PLAGL1: variants seen among roughly 807,000 people sequenced by gnomAD.
PLAGL1 encodes zinc finger protein PLAGL1.
PLAGL1 carries 1 observed loss-of-function variant against 4.6 expected under a neutral mutation model. The ratio of observed to expected loss-of-function variants is 0.22; its 90% CI spans 0.08 to 1.03. The LOEUF (loss-of-function observed/expected upper bound fraction) is 1.03. PLAGL1 is among the 50% of genes least tolerant of loss of function. The probability of loss-of-function intolerance (pLI) is 0.58; values close to 1 mark genes in which losing one functional copy is unlikely to be tolerated. For missense variants in PLAGL1, 464 were observed against 570.4 expected (o/e 0.81, Z 1.90); for synonymous variants, 240 against 237.8 (o/e 1.01, Z -0.08).
At chr6:144,057,459 C>G (rs1428298456) in intron 1 of PLAGL1, among the ~76,000 whole-genome samples, 1 of 152,226 alleles carries the variant, frequency 6.6e-6, no homozygotes, top group Admixed American at 6.5e-5. Flanking sequence ...CCATCAGTGG[C>G]AGGAGGAAGC....
chr6:144,042,365 G>T (rs1329019391), intron 1 of PLAGL1, among the ~76,000 whole-genome samples: 8 of 152,146 alleles, frequency 5.3e-5, no homozygotes, highest in Admixed American at 4.6e-4. Context: ...GTGAAAGGAA[G>T]GGATCCAGTT....
rs936770186 is a variant in PLAGL1, at chr6:143,997,034, A to G, written c.-584+11056T>C. On this transcript the variant is annotated intron_variant, in intron 1 of 7. Coordinates refer to ENST00000674357, the MANE Select transcript of PLAGL1 (RefSeq NM_001317162.2). The surrounding 1 kb of genome is among the most constrained non-coding windows in gnomAD (Gnocchi z 4.6). Reference sequence around the variant, plus strand: ...CTGGATTTCATTAAGACACCAAAAGACAGCATTAAAAGATACATAGAAAAG... The same window carrying G: ...CTGGATTTCATTAAGACACCAAAAGGCAGCATTAAAAGATACATAGAAAAG... Among the ~76,000 whole-genome samples, 12 of 152,204 alleles carry G rather than the reference A, an allele frequency of 7.9e-5. No individual in the cohort carries two copies. Among genetic ancestry groups the G allele is most frequent in the African/African-American group, 2.9e-4 (12 of 41,444 alleles).
chr6:143,995,938 G>T lies in PLAGL1; in HGVS notation c.-583-10764C>A, dbSNP rs779313813. Among the ~76,000 whole-genome samples, 1 of 152,140 alleles carries T rather than the reference G, an allele frequency of 6.6e-6. No individual in the cohort carries two copies. Among genetic ancestry groups the T allele is most frequent in the Non-Finnish European group, 1.5e-5 (1 of 68,032 alleles). ...AAGCAAAGAGAAGAACTGAAATCTA[G>T]ACCTCTAATCTTTTTTCCAAAAATA... On this transcript the variant is annotated intron_variant, in intron 1 of 7. Transcript: ENST00000674357. The surrounding 1 kb of genome is among the most constrained non-coding windows in gnomAD (Gnocchi z 4.4).
rs755869147 is a variant in PLAGL1, at chr6:143,947,504, T to C, written c.152+481A>G. Among the ~76,000 whole-genome samples, 2 of 152,250 alleles carry C rather than the reference T, an allele frequency of 1.3e-5. No homozygotes were observed. Among genetic ancestry groups the C allele is most frequent in the Non-Finnish European group, 2.9e-5 (2 of 68,040 alleles). The stretch of plus-strand genomic sequence containing the variant: ...TCCTGCCTGCACTTTTAGCCTCATC[T>C]GCTCCTCCTCGGATAGTACCCTCTG... On this transcript the variant is annotated intron_variant, in intron 7 of 7. Transcript: ENST00000674357. The surrounding 1 kb of genome is among the most constrained non-coding windows in gnomAD (Gnocchi z 4.3).
rs752733300 is a variant in PLAGL1, at chr6:144,027,292, A to AAAGAAAGAAAGAAAGAAAGAAAGT, written c.-151+37175_-151+37176insACTTTCTTTCTTTCTTTCTTTCTT. On this transcript the variant is annotated intron_variant, in intron 1 of 3. Coordinates refer to the PLAGL1 transcript ENST00000437412. The surrounding 1 kb of genome is among the most constrained non-coding windows in gnomAD (Gnocchi z 5.8). ...GAAAGAAAGAAAGAAAGAAAGAAAG[A>AAAGAAAGAAAGAAAGAAAGAAAGT]AAGTTATTTGATCTGAAGTACAATG... is the stretch of plus-strand genomic sequence containing the variant. 4.8e-4 allele frequency among the ~76,000 whole-genome samples: 68 copies of AAAGAAAGAAAGAAAGAAAGAAAGT among 142,560 alleles called. No individual in the cohort carries two copies. The highest frequency in any genetic ancestry group is 1.7e-3 in the African/African-American group (65 of 38,328). 93.5% of individuals were successfully genotyped at this position (142,560 alleles called of 152,430 possible).
At position 144,000,686 on chromosome 6, in the gene PLAGL1, T is replaced by C. The variant is rs1792663076; in HGVS notation, c.-584+7404A>G. On this transcript the variant is annotated intron_variant, in intron 1 of 7. Coordinates refer to ENST00000674357, the MANE Select transcript of PLAGL1 (RefSeq NM_001317162.2). This position sits in a 1 kb window ranked among gnomAD's most constrained non-coding sequence, Gnocchi z 4.1. Reference sequence around the variant, plus strand: ...CATATGGAATGGGAAAGGTCTAAAATTGCCAAACAATTCAGCAGAAAAACA... The same window carrying C: ...CATATGGAATGGGAAAGGTCTAAAACTGCCAAACAATTCAGCAGAAAAACA... Among the ~76,000 whole-genome samples, 1 of 152,080 alleles carries C rather than the reference T, an allele frequency of 6.6e-6. No individual in the cohort carries two copies.
At chr6:144,028,902 TC>T (rs1231709199) in intron 1 of PLAGL1, among the ~76,000 whole-genome samples, 2 of 152,186 alleles carry the variant, frequency 1.3e-5, no homozygotes, top group Non-Finnish European at 2.9e-5. Flanking sequence ...TAATATCACT[TC>T]CAAATTACAG....
In PLAGL1 at chr6:143,968,791, A is replaced by G. The variant is rs532762352; in HGVS notation, c.-472+116T>C. 1 of 152,312 alleles carries G rather than the reference A, an allele frequency of 6.6e-6. No individual in the cohort carries two copies. Among genetic ancestry groups the G allele is most frequent in the South Asian group, 2.1e-4 (1 of 4,824 alleles). The allele number at this position is 152,312 out of a possible 1,614,324, so 9.4% of individuals were successfully genotyped here. On this transcript the variant is annotated intron_variant, in intron 3 of 7. Transcript: ENST00000674357. The surrounding 1 kb of genome is among the most constrained non-coding windows in gnomAD (Gnocchi z 6.3). ...GACATAAGCCCCTCTACCATGGAGG[A>G]GGCGAAGGCTCTGGTTTGTGCTGTA...
At chr6:144,037,415 C>CA (rs34570725) in intron 1 of PLAGL1, 9,402 of 88,018 alleles carry the variant, frequency 0.11, 544 homozygotes, top group Admixed American at 0.21. Flanking sequence ...CCATCTCTAC[C>CA]AAAAAAAAAA....
chr6:144,026,569 CT>C (rs1462768132), intron 1 of PLAGL1, among the ~76,000 whole-genome samples: 1 of 152,190 alleles, frequency 6.6e-6, no homozygotes, highest in Non-Finnish European at 1.5e-5. Context: ...CATAAATCTT[CT>C]GTACAAATAG....
chr6:144,035,781 T>A (rs1187260480), intron 1 of PLAGL1, among the ~76,000 whole-genome samples: 5 of 152,232 alleles, frequency 3.3e-5, no homozygotes, highest in Admixed American at 3.3e-4. Flanking sequence ...CTAGATATGA[T>A]ACCTCATTTT....
chr6:143,957,108 C>T lies in PLAGL1; in HGVS notation c.-325+3361G>A, dbSNP rs1033638105. 6.6e-5 allele frequency among the ~76,000 whole-genome samples: 10 copies of T among 152,360 alleles called. No homozygotes were observed. In the East Asian group the frequency reaches 1.9e-3, roughly 29 times the overall value. On this transcript the variant is annotated intron_variant, in intron 6 of 7. Transcript: ENST00000674357. This position sits in a 1 kb window ranked among gnomAD's most constrained non-coding sequence, Gnocchi z 4.2. Reference sequence around the variant, plus strand: ...CTCTTGGATCTTTGACAGGCCTCCTCACCTCTCCCCACCATATGCATTGTA... The same window carrying T: ...CTCTTGGATCTTTGACAGGCCTCCTTACCTCTCCCCACCATATGCATTGTA...
Position 143,955,991 on chromosome 6 carries a change from G to A in PLAGL1, c.-325+4478C>T, listed in dbSNP as rs1782036399. Among the ~76,000 whole-genome samples, 1 of 152,226 alleles carries A rather than the reference G, an allele frequency of 6.6e-6. No homozygotes were observed. Among genetic ancestry groups the A allele is most frequent in the East Asian group, 1.9e-4 (1 of 5,196 alleles). On this transcript the variant is annotated intron_variant, in intron 6 of 7. Transcript: ENST00000674357. This position sits in a 1 kb window ranked among gnomAD's most constrained non-coding sequence, Gnocchi z 4.9. ...AATAAGCGTTAGGAGTTCATTTTTA[G>A]ACATGCTGGGCTTAATGGTGCCTAA...
rs1034914493 is a variant in PLAGL1 at position 143,957,306 on chromosome 6, G to T, written c.-325+3163C>A. 6.6e-6 allele frequency among the ~76,000 whole-genome samples: 1 copy of T among 150,512 alleles called. No homozygotes were observed. The highest frequency in any genetic ancestry group is 1.5e-5 in the Non-Finnish European group (1 of 67,448). ...AGACTCTCAGGAGTCTGGTGGGGGGGTGAGGGGTGGAGAGCAACTCCCAAA... is the reference window on the plus strand; with the variant it reads ...AGACTCTCAGGAGTCTGGTGGGGGGTTGAGGGGTGGAGAGCAACTCCCAAA... On this transcript the variant is annotated intron_variant, in intron 6 of 7. Transcript: ENST00000674357. The surrounding 1 kb of genome is among the most constrained non-coding windows in gnomAD (Gnocchi z 4.2).
intron 7 of PLAGL1, among the ~76,000 whole-genome samples, chr6:143,943,303 G>A (rs1779064289): frequency 6.6e-6 from 1 of 152,060 alleles, no homozygotes; most frequent in South Asian, 2.1e-4. Context: ...GGAAATTCAA[G>A]TGACTCAATT....
intron 1 of PLAGL1, among the ~76,000 whole-genome samples, chr6:144,042,623 G>T (rs1797829080): frequency 6.6e-6 from 1 of 152,140 alleles, no homozygotes; most frequent in Non-Finnish European, 1.5e-5. Flanking sequence ...CTCCAGCTTT[G>T]TTCTTTTTGC....
At chr6:143,969,415 T>C (rs974378093) in intron 2 of PLAGL1, among the ~76,000 whole-genome samples, 2 of 152,120 alleles carry the variant, frequency 1.3e-5, no homozygotes, top group African/African-American at 4.8e-5. Context: ...CACTGTCTGG[T>C]AAGCAGGGAG....
chr6:144,062,373 T>C (rs1272251903), intron 1 of PLAGL1, among the ~76,000 whole-genome samples: 1 of 138,554 alleles, frequency 7.2e-6, no homozygotes, highest in African/African-American at 2.8e-5. Flanking sequence ...TGAGACTCCG[T>C]CTCAAACAAA....
Position 144,053,854 on chromosome 6 carries a change from G to A in PLAGL1, c.-151+10614C>T, listed in dbSNP as rs952457512. On this transcript the variant is annotated intron_variant, in intron 1 of 3. Transcript: ENST00000437412. The surrounding 1 kb of genome is among the most constrained non-coding windows in gnomAD (Gnocchi z 4.0). ...CAATAAAATATGATGAAACTTATTT[G>A]TCATCTCTGGGCTCAGCCTCTTTAA... Among the ~76,000 whole-genome samples the A allele has an allele frequency of 6.6e-6, 1 of 152,144 alleles. No homozygotes were observed. The highest frequency in any genetic ancestry group is 2.1e-4 in the South Asian group (1 of 4,828).
Sources: allele counts gnomAD v4.1 joint callset (sites outside exome capture counted in the v4.1 genomes callset), GRCh38; gene constraint gnomAD v4.1.1; non-coding constraint Gnocchi (gnomAD v3.1); transcripts MANE v1.5; gene names NCBI Gene and HGNC (gene_info 2026-07-23, HGNC 2026-07-21).